The following LIFR variants were observed in gnomAD, a reference collection of about 807,000 sequenced individuals.
The protein encoded by LIFR is LIF receptor subunit alpha.
In LIFR, 84 loss-of-function variants were observed where a neutral mutation model predicts 122.2. The ratio of observed to expected loss-of-function variants is 0.69; its 90% CI spans 0.58 to 0.82. LIFR has a LOEUF of 0.82. LIFR is among the 40% of genes least tolerant of loss of function. The pLI is 0.00. For synonymous variants in LIFR, 422 were observed against 434.7 expected (o/e 0.97, Z 0.36); for missense variants, 1,294 against 1,311.6 (o/e 0.99, Z 0.21).
chr5:38,504,247 C>T, intron 9 of LIFR, 126 bp from the exon 10 acceptor site: 2 of 671,782 alleles, frequency 3.0e-6, no homozygotes, highest in Admixed American at 2.6e-5. Context: ...AACATCCTAC[C>T]CAGTATTTGT....
chr5:38,549,981 G>C (rs914776100), intron 1 of LIFR, among the ~76,000 whole-genome samples: 1 of 152,106 alleles, frequency 6.6e-6, no homozygotes, highest in East Asian at 1.9e-4. Flanking sequence ...GAAAGGTATC[G>C]ACAGGAGTAT....
At chr5:38,592,656 CAAAAAA>C (rs3079290) in intron 1 of LIFR, among the ~76,000 whole-genome samples, 1 of 115,856 alleles carries the variant, frequency 8.6e-6, no homozygotes. Context: ...GACTCCGTCT[CAAAAAA>C]AAAAAAAAAA....
chr5:38,602,738 G>C (rs570695788), intron 2 of LIFR, among the ~76,000 whole-genome samples: 1 of 152,260 alleles, frequency 6.6e-6, no homozygotes, highest in Admixed American at 6.5e-5. Context: ...ACAGGCAAGA[G>C]TGGAGCAGGA....
chr5:38,556,627 G>A lies in LIFR; in HGVS notation c.-313C>T, dbSNP rs531722497. The A allele has an allele frequency of 1.3e-5, 2 of 148,372 alleles. No individual in the cohort carries two copies. Among genetic ancestry groups the A allele is most frequent in the African/African-American group, 2.4e-5 (1 of 40,964 alleles). The allele number at this position is 148,372 out of a possible 1,614,324, so 9.2% of individuals were successfully genotyped here. Reference sequence around the variant, plus strand: ...AACGGTAACGGCCACCGCCACGGCCGAGTCGCTCCAGCCGGGACTGCGGCG... The same window carrying A: ...AACGGTAACGGCCACCGCCACGGCCAAGTCGCTCCAGCCGGGACTGCGGCG... On this transcript the variant is annotated 5_prime_UTR_variant, in exon 1 of 20. Coordinates refer to ENST00000453190, the MANE Select transcript of LIFR (RefSeq NM_001127671.2).
At chr5:38,602,159 C>G (rs1750234155) in intron 2 of LIFR, among the ~76,000 whole-genome samples, 1 of 152,204 alleles carries the variant, frequency 6.6e-6, no homozygotes, top group East Asian at 1.9e-4. Context: ...AATCAGTCCT[C>G]CAATGCCATT....
In LIFR at chr5:38,515,994, T is replaced by C. The variant is rs1054942220; in HGVS notation, c.562-4030A>G. 5.9e-5 allele frequency among the ~76,000 whole-genome samples: 9 copies of C among 152,256 alleles called. No individual in the cohort carries two copies. In the South Asian group the frequency reaches 1.0e-3, roughly 17 times the overall value. ...TGATCACAAGCAATTTTGTCTTAAA[T>C]ACTGACATTAATAACGTACTATTAA... On this transcript the variant is annotated intron_variant, in intron 5 of 19. Transcript: ENST00000453190.
intron 14 of LIFR, 189 bp from the exon 15 acceptor site, chr5:38,490,480 A>T (rs538142127): frequency 5.1e-5 from 17 of 335,976 alleles, no homozygotes; most frequent in Non-Finnish European, 7.5e-5. Context: ...ACAAAAATTA[A>T]ATTTACTTCT....
At chr5:38,572,940 T>C (rs940327177) in intron 1 of LIFR, among the ~76,000 whole-genome samples, 4 of 152,228 alleles carry the variant, frequency 2.6e-5, no homozygotes, top group Admixed American at 6.5e-5. Flanking sequence ...GCATGGTCTA[T>C]ATAACCTGCA....
At chr5:38,567,491 A>ATTATTTAT (rs1749059765) in intron 1 of LIFR, among the ~76,000 whole-genome samples, 1 of 99,346 alleles carries the variant, frequency 1.0e-5, no homozygotes, top group Non-Finnish European at 2.2e-5. Context: ...GAATATGACC[A>ATTATTTAT]TTCTGTATTT....
chr5:38,481,471 T>C lies in LIFR; in HGVS notation c.*124A>G, dbSNP rs1743979431. On this transcript the variant is annotated 3_prime_UTR_variant, in exon 20 of 20. Coordinates refer to ENST00000453190, the MANE Select transcript of LIFR (RefSeq NM_001127671.2). Reference sequence around the variant, plus strand: ...TGAACACTTTCAGTGTAACTTAACATGTAGTGAAGTTCACCTCCTAACAAT... The same window carrying C: ...TGAACACTTTCAGTGTAACTTAACACGTAGTGAAGTTCACCTCCTAACAAT... 9.7e-7 allele frequency: 1 copy of C among 1,029,720 alleles called. No individual in the cohort carries two copies. Among genetic ancestry groups the C allele is most frequent in the African/African-American group, 1.6e-5 (1 of 63,624 alleles). The allele number at this position is 1,029,720 out of a possible 1,614,324, so 63.8% of individuals were successfully genotyped here.
In LIFR at chr5:38,479,772, G is replaced by A; in HGVS notation, c.*1823C>T. ...GAAGCTAAGGGAAGGAGCCAAAGAG[G>A]ATACAAAGGAAGACAAGAGAACACT... On this transcript the variant is annotated 3_prime_UTR_variant, in exon 20 of 20. Transcript: ENST00000453190. 1 of 231,400 alleles carries A rather than the reference G, an allele frequency of 4.3e-6. No homozygotes were observed. Among genetic ancestry groups the A allele is most frequent in the Non-Finnish European group, 8.6e-6 (1 of 116,926 alleles). 14.3% of individuals were successfully genotyped at this position (231,400 alleles called of 1,614,324 possible).
At chr5:38,582,430 C>T (rs183513084) in intron 1 of LIFR, among the ~76,000 whole-genome samples, 63 of 152,266 alleles carry the variant, frequency 4.1e-4, no homozygotes, top group African/African-American at 1.5e-3. Context: ...TCACTAAATA[C>T]TTACATCGTT....
intron 1 of LIFR, among the ~76,000 whole-genome samples, chr5:38,547,093 G>C (rs1477188115): frequency 1.3e-5 from 2 of 152,178 alleles, no homozygotes; most frequent in Non-Finnish European, 2.9e-5. Flanking sequence ...GCCAGTTCCA[G>C]TGGGGGCAAG....
intron 14 of LIFR, among the ~76,000 whole-genome samples, chr5:38,492,741 C>T (rs894212780): frequency 2.6e-5 from 4 of 152,166 alleles, no homozygotes; most frequent in African/African-American, 9.7e-5. Context: ...GAGCAGGCTG[C>T]TTGCTCTTCT....
At chr5:38,600,870 C>A (rs1580253307) in intron 2 of LIFR, among the ~76,000 whole-genome samples, 1 of 152,128 alleles carries the variant, frequency 6.6e-6, no homozygotes, top group African/African-American at 2.4e-5. Context: ...CGGGAGGAAG[C>A]TGAATGCTGG....
At chr5:38,589,030 C>T (rs887070105) in intron 1 of LIFR, among the ~76,000 whole-genome samples, 1 of 142,556 alleles carries the variant, frequency 7.0e-6, no homozygotes. Context: ...TGGAGTCTCA[C>T]TCTGTTGCCG....
intron 5 of LIFR, among the ~76,000 whole-genome samples, chr5:38,512,868 G>A (rs1382872104): frequency 6.6e-6 from 1 of 152,106 alleles, no homozygotes; most frequent in East Asian, 1.9e-4. Flanking sequence ...AAAAGCTTAA[G>A]TCAAGGAGAG....
chr5:38,571,111 G>A (rs1260755954), intron 1 of LIFR, among the ~76,000 whole-genome samples: 1 of 152,178 alleles, frequency 6.6e-6, no homozygotes, highest in East Asian at 1.9e-4. Context: ...ACTTCAAAAT[G>A]TGGGTGTAGG....
At chr5:38,537,050 G>A (rs1747327120) in intron 1 of LIFR, among the ~76,000 whole-genome samples, 1 of 152,084 alleles carries the variant, frequency 6.6e-6, no homozygotes, top group African/African-American at 2.4e-5. Context: ...CTCCATGTCA[G>A]TTTTAGTAAT....
Sources: allele counts gnomAD v4.1 joint callset (sites outside exome capture counted in the v4.1 genomes callset), GRCh38; gene constraint gnomAD v4.1.1; transcripts MANE v1.5; gene names NCBI Gene and HGNC (gene_info 2026-07-23, HGNC 2026-07-21).